Variants in PRELID2 observed in about 807,000 individuals in gnomAD.
PRELID2 encodes PRELI domain containing 2.
A neutral mutation model predicts 28.4 loss-of-function variants in PRELID2; 25 were observed. The ratio of observed to expected loss-of-function variants is 0.88; its 90% CI spans 0.64 to 1.23. The LOEUF (loss-of-function observed/expected upper bound fraction) is 1.23. Among genes scored for constraint, PRELID2 ranks in the 50% most tolerant of loss-of-function variants. PRELID2 has a pLI of 0.00. For synonymous variants in PRELID2, 76 were observed against 71.6 expected, an observed-to-expected ratio of 1.06 and a Z score of -0.31; for missense variants, 201 against 214.4, an observed-to-expected ratio of 0.94 and a Z score of 0.39.
At chr5:145,779,009 A>G (rs1288681281) in intron 5 of PRELID2, among the ~76,000 whole-genome samples, 1 of 152,142 alleles carries the variant, frequency 6.6e-6, no homozygotes, top group African/African-American at 2.4e-5. Context: ...CATAGAAAGT[A>G]CTCAAAAAAT....
chr5:145,604,881 C>CTATA (rs1347559677), intron 1 of PRELID2, among the ~76,000 whole-genome samples: 5 of 85,688 alleles, frequency 5.8e-5, no homozygotes, highest in African/African-American at 2.9e-4. Flanking sequence ...TGCTTGTTGG[C>CTATA]CATATATATA....
At chr5:145,439,044 T>C in the PRELID2 span, among the ~76,000 whole-genome samples, 3 of 152,130 alleles carry the variant, frequency 2.0e-5, no homozygotes, top group African/African-American at 7.2e-5. Flanking sequence ...CCAGCAATGT[T>C]GCAGTTGCTC....
chr5:145,435,426 A>G, the PRELID2 span, among the ~76,000 whole-genome samples: 1 of 152,170 alleles, frequency 6.6e-6, no homozygotes, highest in East Asian at 1.9e-4. Context: ...AGAAAGAAGG[A>G]CCAAGTGGAG....
rs1754045575 is a variant in PRELID2, at chr5:145,812,842, A to ATGGAAGGAATTTATC, written c.368+5051_368+5052insGATAAATTCCTTCCA. Among the ~76,000 whole-genome samples, 3 of 152,342 alleles carry ATGGAAGGAATTTATC rather than the reference A, an allele frequency of 2.0e-5. No individual in the cohort carries two copies. In the East Asian group the frequency reaches 5.8e-4, roughly 29 times the overall value. ...GAATAGAAATTCCATTCCATAAAAAACTACAGGAAGACAATGTCGGATAAA... is the reference window on the plus strand; with the variant it reads ...GAATAGAAATTCCATTCCATAAAAAATGGAAGGAATTTATCCTACAGGAAGACAATGTCGGATAAA... On this transcript the variant is annotated intron_variant, in intron 4 of 6. Coordinates refer to ENST00000683046, the MANE Select transcript of PRELID2 (RefSeq NM_205846.3).
At chr5:145,256,790 C>G in the PRELID2 span, among the ~76,000 whole-genome samples, 1 of 152,040 alleles carries the variant, frequency 6.6e-6, no homozygotes, top group Non-Finnish European at 1.5e-5. Flanking sequence ...TGTCAGCATA[C>G]TTTTAATCAG....
chr5:145,497,779 G>GA (rs1305480462), intron 1 of PRELID2, among the ~76,000 whole-genome samples: 3 of 152,116 alleles, frequency 2.0e-5, no homozygotes, highest in Non-Finnish European at 4.4e-5. Flanking sequence ...TGCAGTTAAT[G>GA]AAAAAAAGGT....
intron 1 of PRELID2, among the ~76,000 whole-genome samples, chr5:145,533,870 T>C (rs1166911479): frequency 6.6e-6 from 1 of 152,054 alleles, no homozygotes; most frequent in Non-Finnish European, 1.5e-5. Context: ...ACCAACTGAT[T>C]GGATGTTTCT....
chr5:145,264,202 A>G, the PRELID2 span, among the ~76,000 whole-genome samples: 1 of 152,344 alleles, frequency 6.6e-6, no homozygotes, highest in Middle Eastern at 3.4e-3. Flanking sequence ...CAAAAAAAAC[A>G]AAACTACAGA....
At chr5:145,745,232 T>C (rs1335404270) in intron 1 of PRELID2, among the ~76,000 whole-genome samples, 2 of 152,160 alleles carry the variant, frequency 1.3e-5, no homozygotes, top group African/African-American at 2.4e-5. Flanking sequence ...AAACCTATGA[T>C]AGACTGGAGT....
At chr5:145,422,582 G>T in the PRELID2 span, among the ~76,000 whole-genome samples, 3 of 151,076 alleles carry the variant, frequency 2.0e-5, no homozygotes, top group East Asian at 1.9e-4. Flanking sequence ...GTTTTCCATT[G>T]GCTTGGTAGA....
At position 145,757,163 on chromosome 5, in the gene PRELID2, T is replaced by A. The variant is rs920009720; in HGVS notation, c.*3373A>T. 5.0e-4 allele frequency among the ~76,000 whole-genome samples: 76 copies of A among 152,306 alleles called. No homozygotes were observed. The highest frequency in any genetic ancestry group is 1.8e-3 in the African/African-American group (75 of 41,570). On this transcript the variant is annotated 3_prime_UTR_variant, in exon 7 of 7. Coordinates refer to ENST00000683046, the MANE Select transcript of PRELID2 (RefSeq NM_205846.3). ...ACACCATGCACCGCACAATGTCTGA[T>A]AAACAAGTATCAGTACATATATACT...
chr5:145,798,116 C>T (rs533490779), intron 4 of PRELID2, among the ~76,000 whole-genome samples: 30 of 151,758 alleles, frequency 2.0e-4, no homozygotes, highest in Non-Finnish European at 3.2e-4. Context: ...CAATAGCAAA[C>T]TTGATCAAGC....
In PRELID2 at chr5:145,722,447, G is replaced by C. The variant is rs192055207; in HGVS notation, n.70+42484C>G. Reference sequence around the variant, plus strand: ...CCAGACTAGCTGGGATTACAGGCGTGTGCCACCACACCTAGCTAATTTTTG... The same window carrying C: ...CCAGACTAGCTGGGATTACAGGCGTCTGCCACCACACCTAGCTAATTTTTG... On this transcript the variant is annotated intron_variant and non_coding_transcript_variant, in intron 1 of 2. Coordinates refer to the PRELID2 transcript ENST00000510259. 2.0e-4 allele frequency among the ~76,000 whole-genome samples: 31 copies of C among 151,964 alleles called. No homozygotes were observed. The East Asian group carries it at 3.1e-3, about 15-fold the overall frequency.
chr5:145,811,229 TG>T (rs929270072), intron 4 of PRELID2, among the ~76,000 whole-genome samples: 6 of 151,356 alleles, frequency 4.0e-5, no homozygotes, highest in Admixed American at 3.3e-4. Flanking sequence ...TGCCTCCCAC[TG>T]GGTCCTTCCC....
chr5:145,521,713 C>T (rs572439264), intron 1 of PRELID2, among the ~76,000 whole-genome samples: 6 of 152,142 alleles, frequency 3.9e-5, no homozygotes, highest in Non-Finnish European at 8.8e-5. Flanking sequence ...AGCAGACCCA[C>T]GCACTGTGTA....
chr5:145,310,319 C>T, the PRELID2 span, among the ~76,000 whole-genome samples: 364 of 152,246 alleles, frequency 2.4e-3, 2 homozygotes, highest in African/African-American at 8.3e-3. Context: ...CTAGACATTT[C>T]GATTTTTCCT....
intron 1 of PRELID2, among the ~76,000 whole-genome samples, chr5:145,511,108 A>G (rs1752457003): frequency 6.6e-6 from 1 of 152,180 alleles, no homozygotes; most frequent in Non-Finnish European, 1.5e-5. Flanking sequence ...AATGATGTCA[A>G]TCTCTAACTG....
At chr5:145,516,303 C>CA (rs775759132) in intron 1 of PRELID2, among the ~76,000 whole-genome samples, 22 of 152,288 alleles carry the variant, frequency 1.4e-4, no homozygotes, top group Non-Finnish European at 2.8e-4. Flanking sequence ...TCTCAGGATA[C>CA]AAAATCAATG....
At chr5:145,669,220 A>G (rs1047727386) in intron 1 of PRELID2, among the ~76,000 whole-genome samples, 1 of 152,150 alleles carries the variant, frequency 6.6e-6, no homozygotes, top group Admixed American at 6.6e-5. Context: ...ACAATATTGG[A>G]TAGGAAAACA....
Sources: gnomAD v4.1 joint callset for allele counts (sites outside exome capture counted in the v4.1 genomes callset) on GRCh38, gnomAD v4.1.1 for gene constraint, MANE v1.5 for transcripts, NCBI Gene and HGNC (gene_info 2026-07-23, HGNC 2026-07-21) for gene names.